Variants in ITGB1 observed in about 807,000 individuals in gnomAD.
The protein encoded by ITGB1 is integrin beta-1.
A neutral mutation model predicts 86.5 loss-of-function variants in ITGB1; 24 were observed. That is an observed-to-expected ratio of 0.28 (90% CI 0.20 to 0.39). ITGB1 has a LOEUF of 0.39. ITGB1 is among the 10% of genes least tolerant of loss of function. The pLI, the probability that ITGB1 is intolerant of heterozygous loss-of-function variation, is 1.00. For synonymous variants in ITGB1, 323 were observed against 316.8 expected, an observed-to-expected ratio of 1.02 and a Z score of -0.21; for missense variants, 556 against 946.9, an observed-to-expected ratio of 0.59 and a Z score of 5.42.
At chr10:32,928,859 A>C (rs1565826864) in intron 4 of ITGB1, among the ~76,000 whole-genome samples, 2 of 152,102 alleles carry the variant, frequency 1.3e-5, no homozygotes, top group South Asian at 2.1e-4. Flanking sequence ...GAGATACAAG[A>C]GACGTTAATG....
intron 5 of ITGB1, 35 bp from the exon 6 acceptor site, chr10:32,926,144 T>C (rs1278208961): frequency 3.9e-6 from 5 of 1,295,138 alleles, no homozygotes; most frequent in Non-Finnish European, 5.6e-6. Context: ...AATGAATGAA[T>C]GGATGGATAG....
Position 32,945,913 on chromosome 10 carries a change from G to A in ITGB1, c.1-10355C>T, listed in dbSNP as rs776645998. On this transcript the variant is annotated intron_variant, in intron 1 of 15. Transcript: ENST00000302278. ...AGAATTTTCAATTTGCTATAAAAATGTATCAATTAACATACAGAAAAATAT... is the reference window on the plus strand; with the variant it reads ...AGAATTTTCAATTTGCTATAAAAATATATCAATTAACATACAGAAAAATAT... Among the ~76,000 whole-genome samples the A allele has an allele frequency of 6.9e-4, 105 of 152,204 alleles. 1 individual carries two copies. In the Middle Eastern group the frequency reaches 0.014, roughly 20 times the overall value.
rs888992294 is a variant in ITGB1 at position 32,923,881 on chromosome 10, T to G, written c.787-141A>C. The G allele has an allele frequency of 5.7e-6, 4 of 698,198 alleles. No homozygotes were observed. In the African/African-American group the frequency reaches 7.3e-5, roughly 13 times the overall value. 43.3% of individuals were successfully genotyped at this position (698,198 alleles called of 1,614,324 possible). ...TCTTCTCTTTATACAATGGTAATTA[T>G]CTTGCTGAGAAACACACAAAGCCCA... On this transcript the variant is annotated intron_variant, in intron 6 of 15. Coordinates refer to ENST00000302278, the MANE Select transcript of ITGB1 (RefSeq NM_002211.4).
chr10:32,915,218 G>T (rs2094927846), intron 11 of ITGB1, among the ~76,000 whole-genome samples: 1 of 152,174 alleles, frequency 6.6e-6, no homozygotes, highest in Non-Finnish European at 1.5e-5. Context: ...AAGCAGGAAA[G>T]ATCTAAAATG....
At chr10:32,956,413 A>C (rs1361751) in intron 1 of ITGB1, among the ~76,000 whole-genome samples, 111,330 of 149,586 alleles carry the variant, frequency 0.74, 41,624 homozygotes, top group Non-Finnish European at 0.81. Flanking sequence ...AAAAAAAAAT[A>C]AAAAAACCTA....
intron 1 of ITGB1, among the ~76,000 whole-genome samples, chr10:32,942,695 TTTG>T (rs2095021724): frequency 6.6e-5 from 10 of 150,910 alleles, no homozygotes; most frequent in South Asian, 4.2e-4. Context: ...TTTTTTTTTT[TTTG>T]GGGGGAGACA....
At chr10:32,947,533 G>C (rs1256523792) in intron 1 of ITGB1, among the ~76,000 whole-genome samples, 1 of 150,992 alleles carries the variant, frequency 6.6e-6, no homozygotes, top group East Asian at 2.0e-4. Flanking sequence ...TTCCTGTTTG[G>C]GGCATATGTA....
At chr10:32,936,959 TGGCTGCGAGAAACC>T (rs1314986048) in intron 1 of ITGB1, among the ~76,000 whole-genome samples, 6 of 152,206 alleles carry the variant, frequency 3.9e-5, no homozygotes, top group African/African-American at 1.2e-4. Flanking sequence ...CTATAGCAGA[TGGCTGCGAGAAACC>T]AACTGGTAGC....
At chr10:32,924,637 T>C (rs945802752) in intron 6 of ITGB1, among the ~76,000 whole-genome samples, 7 of 152,140 alleles carry the variant, frequency 4.6e-5, no homozygotes, top group Non-Finnish European at 7.4e-5. Flanking sequence ...AAGGCCTAGT[T>C]AGAGGCAGCC....
intron 11 of ITGB1, among the ~76,000 whole-genome samples, chr10:32,912,957 C>T (rs774366000): frequency 1.3e-5 from 2 of 152,152 alleles, no homozygotes; most frequent in African/African-American, 2.4e-5. Context: ...CCCTCTGAGA[C>T]GAAGCTTCCA....
At chr10:32,927,989 AT>A (rs2094970748) in intron 5 of ITGB1, 104 bp downstream of exon 5, 4 of 661,246 alleles carry the variant, frequency 6.0e-6, no homozygotes, top group African/African-American at 3.7e-5. Flanking sequence ...TGGCTTGTTT[AT>A]CTCACAAGTA....
At chr10:32,907,489 A>G (rs2094900033) in intron 15 of ITGB1, among the ~76,000 whole-genome samples, 1 of 152,182 alleles carries the variant, frequency 6.6e-6, no homozygotes, top group African/African-American at 2.4e-5. Context: ...TTTATAAGCC[A>G]AAGTTTACTG....
intron 8 of ITGB1, 97 bp downstream of exon 8, chr10:32,922,543 T>C (rs2094953432): frequency 1.2e-6 from 1 of 830,578 alleles, no homozygotes; most frequent in South Asian, 1.7e-5. Flanking sequence ...TCGGTTTGCC[T>C]ATCTGGTGGC....
chr10:32,923,560 A>G, intron 7 of ITGB1, 25 bp downstream of exon 7: 1 of 1,584,044 alleles, frequency 6.3e-7, no homozygotes, highest in Non-Finnish European at 8.6e-7. Flanking sequence ...AAACACATTC[A>G]CTATGTAAGG....
chr10:32,901,391 T>C lies in ITGB1; in HGVS notation c.*179A>G, dbSNP rs565103451. 2.0e-6 allele frequency: 1 copy of C among 499,670 alleles called. No homozygotes were observed. Among genetic ancestry groups the C allele is most frequent in the Admixed American group, 4.0e-5 (1 of 24,832 alleles). The allele number at this position is 499,670 out of a possible 1,614,324, so 31.0% of individuals were successfully genotyped here. On this transcript the variant is annotated 3_prime_UTR_variant, in exon 16 of 16. Transcript: ENST00000302278. ...CTGTCTCAAGTCTTTTGTCAGTCCC[T>C]GGCATGAATTACAACATTATTTTCA... is the stretch of plus-strand genomic sequence containing the variant.
chr10:32,938,708 T>TGCGACTG (rs980998693), intron 1 of ITGB1, among the ~76,000 whole-genome samples: 4 of 152,208 alleles, frequency 2.6e-5, no homozygotes, highest in African/African-American at 4.8e-5. Context: ...TCAACGATCC[T>TGCGACTG]GCGACTGGCG....
intron 1 of ITGB1, among the ~76,000 whole-genome samples, chr10:32,938,839 G>A (rs1031639686): frequency 4.5e-4 from 69 of 152,308 alleles, no homozygotes; most frequent in African/African-American, 1.4e-3. Flanking sequence ...TAAGAACACA[G>A]AAGAGCTACA....
chr10:32,929,652 C>A (rs1393392539), intron 4 of ITGB1, among the ~76,000 whole-genome samples, 170 bp downstream of exon 4: 2 of 152,150 alleles, frequency 1.3e-5, no homozygotes, highest in African/African-American at 4.8e-5. Flanking sequence ...ATATGTCTTA[C>A]AATTGTTATA....
intron 1 of ITGB1, among the ~76,000 whole-genome samples, chr10:32,936,951 A>G (rs1219648108): frequency 3.9e-5 from 6 of 152,252 alleles, no homozygotes; most frequent in Non-Finnish European, 7.3e-5. Flanking sequence ...CAACAAAACT[A>G]TAGCAGATGG....
Sources: gnomAD v4.1 joint callset for allele counts (sites outside exome capture counted in the v4.1 genomes callset) on GRCh38, gnomAD v4.1.1 for gene constraint, MANE v1.5 for transcripts, NCBI Gene and HGNC (gene_info 2026-07-23, HGNC 2026-07-21) for gene names.